Variants in RC3H2 observed in about 807,000 individuals in gnomAD.
RC3H2 encodes roquin-2.
Under a neutral mutation model 133.3 loss-of-function variants are expected in RC3H2, and 31 were observed. The observed-to-expected ratio is 0.23, with a 90% confidence interval of 0.17 to 0.31. The LOEUF is 0.31. RC3H2 is among the 10% of genes least tolerant of loss of function. The pLI, the probability that RC3H2 is intolerant of heterozygous loss-of-function variation, is 1.00. For missense variants in RC3H2, 1,175 were observed against 1,437.2 expected (o/e 0.82, Z 2.95); for synonymous variants, 517 against 502.2 (o/e 1.03, Z -0.40).
At chr9:122,901,006 C>T (rs549181507) in intron 1 of RC3H2, among the ~76,000 whole-genome samples, 1 of 152,302 alleles carries the variant, frequency 6.6e-6, no homozygotes, top group African/African-American at 2.4e-5. Context: ...TTATATGATT[C>T]AAATTACAAA....
At chr9:122,871,964 G>C (rs1019901030) in intron 9 of RC3H2, among the ~76,000 whole-genome samples, 1 of 151,780 alleles carries the variant, frequency 6.6e-6, no homozygotes, top group Non-Finnish European at 1.5e-5. Context: ...TTGTAGTAGA[G>C]ACAAGGTCTT....
intron 2 of RC3H2, among the ~76,000 whole-genome samples, chr9:122,896,454 T>C (rs771529294): frequency 6.6e-6 from 1 of 152,240 alleles, no homozygotes; most frequent in Non-Finnish European, 1.5e-5. Flanking sequence ...AAAATATTTC[T>C]TATCCACCAA....
chr9:122,854,395 A>G, intron 16 of RC3H2, 129 bp from the exon 17 acceptor site: 3 of 1,176,754 alleles, frequency 2.5e-6, no homozygotes, highest in Non-Finnish European at 3.7e-6. Context: ...TTTAAATGCA[A>G]ATATTTTTCA....
At chr9:122,873,566 A>G (rs898680238) in intron 9 of RC3H2, among the ~76,000 whole-genome samples, 1 of 152,080 alleles carries the variant, frequency 6.6e-6, no homozygotes, top group African/African-American at 2.4e-5. Context: ...AAAAAAATTT[A>G]GCCAGGCATG....
intron 8 of RC3H2, among the ~76,000 whole-genome samples, chr9:122,879,235 A>T (rs1831488220): frequency 6.6e-6 from 1 of 151,768 alleles, no homozygotes; most frequent in African/African-American, 2.4e-5. Context: ...CTCTACAAAA[A>T]ATACAAAAAT....
intron 11 of RC3H2, 93 bp downstream of exon 11, chr9:122,859,824 T>C: frequency 2.8e-6 from 3 of 1,086,000 alleles, no homozygotes; most frequent in Non-Finnish European, 4.1e-6. Context: ...AAAGGATTAA[T>C]TTTTTTAAAT....
chr9:122,875,084 T>C (rs1270856477), intron 9 of RC3H2: 1 of 1,321,880 alleles, frequency 7.6e-7, no homozygotes, highest in Non-Finnish European at 9.9e-7. Context: ...ATGTATTTCC[T>C]GGAGTCTCCC....
Position 122,867,661 on chromosome 9 carries a change from C to T in RC3H2, c.1326-2004G>A, listed in dbSNP as rs1175301624. Among the ~76,000 whole-genome samples, 8 of 109,234 alleles carry T rather than the reference C, an allele frequency of 7.3e-5. No individual in the cohort carries two copies. The South Asian group carries it at 1.0e-3, about 14-fold the overall frequency. 71.7% of individuals were successfully genotyped at this position (109,234 alleles called of 152,430 possible). On this transcript the variant is annotated intron_variant, in intron 9 of 20. Coordinates refer to ENST00000357244, the MANE Select transcript of RC3H2 (RefSeq NM_001100588.3). ...CACCCATTGTCTGAGATGTGGGGAG[C>T]GCCTTTGCCCCACCGCCCCGTCTGG...
In RC3H2 at chr9:122,858,974, T is replaced by G; in HGVS notation, c.1978A>C (p.Thr660Pro). 1 of 1,614,124 alleles carries G rather than the reference T, an allele frequency of 6.2e-7. No individual in the cohort carries two copies. Among genetic ancestry groups the G allele is most frequent in the Non-Finnish European group, 8.5e-7 (1 of 1,180,016 alleles). ...ASMPYADHYS[T>P]FSPRDRMNSS... ...TTCATTCGATCTCGAGGGGAAAATG[T>G]ACTGTAATGATCGGCATATGGCATG... is the stretch of plus-strand genomic sequence containing the variant. The change falls in exon 12 of 21, where the codon ACA becomes CCA. Residue 660 changes from threonine to proline, a missense_variant. By Grantham distance (38) the Thr-to-Pro change is conservative. Coordinates refer to ENST00000357244, the MANE Select transcript of RC3H2 (RefSeq NM_001100588.3).
chr9:122,861,468 C>A (rs547133550), intron 10 of RC3H2, among the ~76,000 whole-genome samples: 9 of 119,894 alleles, frequency 7.5e-5, no homozygotes, highest in African/African-American at 2.7e-4. Context: ...CCAGCCCAGG[C>A]AACAAGAGCG....
intron 10 of RC3H2, among the ~76,000 whole-genome samples, chr9:122,861,925 ATAAAG>A: frequency 6.6e-6 from 1 of 152,368 alleles, no homozygotes; most frequent in East Asian, 1.9e-4. Context: ...TATTCTTTAC[ATAAAG>A]TAAAATAGAG....
chr9:122,855,483 G>A (rs1008083085), intron 14 of RC3H2, 86 bp from the exon 15 acceptor site: 6 of 1,293,834 alleles, frequency 4.6e-6, no homozygotes, highest in Non-Finnish European at 2.2e-6. Context: ...CATGTAATTA[G>A]GTTTTTTGGT....
Position 122,851,386 on chromosome 9 carries a change from A to ATCCCTATCAGGTTTAGTATC in RC3H2, c.3148_3167dup (p.Asp1056GlufsTer11). 1 of 1,614,218 alleles carries ATCCCTATCAGGTTTAGTATC rather than the reference A, an allele frequency of 6.2e-7. No homozygotes were observed. Among genetic ancestry groups the ATCCCTATCAGGTTTAGTATC allele is most frequent in the Non-Finnish European group, 8.5e-7 (1 of 1,180,044 alleles). On this transcript the variant is annotated frameshift_variant, in exon 19 of 21. Transcript: ENST00000357244. LOFTEE classifies it high-confidence loss of function. ...CAAGTGCTGAAAGCTCTAACTCGAT[A>ATCCCTATCAGGTTTAGTATC]TCCCTATCAGGTTTAGTATCTGTTG... is the stretch of plus-strand genomic sequence containing the variant.
chr9:122,880,420 C>A, intron 6 of RC3H2, 174 bp downstream of exon 6: 1 of 676,768 alleles, frequency 1.5e-6, no homozygotes, highest in Non-Finnish European at 2.5e-6. Context: ...TTCCCTGTTG[C>A]ATCCCTTTAT....
intron 1 of RC3H2, among the ~76,000 whole-genome samples, chr9:122,901,612 G>A (rs915782078): frequency 4.4e-5 from 6 of 136,518 alleles, no homozygotes; most frequent in African/African-American, 1.6e-4. Flanking sequence ...TTTTTGAGAT[G>A]GAGGAGTCTC....
rs145057859 is a variant in RC3H2, at chr9:122,870,366, C to T, written c.1326-4709G>A. Among the ~76,000 whole-genome samples the T allele has an allele frequency of 1.9e-3, 269 of 143,940 alleles. 1 individual carries two copies. Among genetic ancestry groups the T allele is most frequent in the African/African-American group, 6.1e-3 (237 of 38,954 alleles). 94.4% of individuals were successfully genotyped at this position (143,940 alleles called of 152,430 possible). A position where few individuals can be genotyped will look rare whatever the true frequency, so the allele number is the denominator to read the frequency against. ...CTCCAGCCTGGCCGACAGAGCAAGACTCTGTCTCCAAAAACAAACAAACAA... is the reference window on the plus strand; with the variant it reads ...CTCCAGCCTGGCCGACAGAGCAAGATTCTGTCTCCAAAAACAAACAAACAA... On this transcript the variant is annotated intron_variant, in intron 9 of 20. Coordinates refer to ENST00000357244, the MANE Select transcript of RC3H2 (RefSeq NM_001100588.3).
intron 18 of RC3H2, among the ~76,000 whole-genome samples, chr9:122,851,820 G>A (rs1389957456): frequency 3.3e-5 from 5 of 152,250 alleles, no homozygotes; most frequent in African/African-American, 7.2e-5. Flanking sequence ...CCAGGCTGGA[G>A]TGCAGTGGCG....
chr9:122,893,436 G>A (rs1310748206), intron 2 of RC3H2, among the ~76,000 whole-genome samples: 2 of 152,224 alleles, frequency 1.3e-5, no homozygotes, highest in African/African-American at 2.4e-5. Flanking sequence ...TGAGGTTGCA[G>A]TGAGCTGAGA....
intron 9 of RC3H2, among the ~76,000 whole-genome samples, chr9:122,876,168 G>C (rs1341272170): frequency 6.6e-6 from 1 of 152,072 alleles, no homozygotes; most frequent in African/African-American, 2.4e-5. Flanking sequence ...AGCTAAGGAA[G>C]GACAGCTGAC....
Sources: allele counts gnomAD v4.1 joint callset (sites outside exome capture counted in the v4.1 genomes callset), GRCh38; gene constraint gnomAD v4.1.1; transcripts MANE v1.5; gene names NCBI Gene and HGNC (gene_info 2026-07-23, HGNC 2026-07-21).